Variants in COCH observed in about 807,000 individuals in gnomAD.
The protein encoded by COCH is coagulation factor C homolog, cochlin (Limulus polyphemus).
COCH carries 40 observed loss-of-function variants against 54.8 expected under a neutral mutation model. That is an observed-to-expected ratio of 0.73 (90% CI 0.57 to 0.95). COCH has a LOEUF of 0.95. Ranked by LOEUF, COCH falls within the 40% of genes least tolerant of loss-of-function variation. COCH has a pLI of 0.00. For synonymous variants in COCH, 256 were observed against 237.9 expected, an observed-to-expected ratio of 1.08 and a Z score of -0.70; for missense variants, 605 against 675.0, an observed-to-expected ratio of 0.90 and a Z score of 1.15.
chr14:30,882,120 G>GTTTTTTTTTTTTTTTTTTTTTTTTGT (rs1895620736), intron 8 of COCH, among the ~76,000 whole-genome samples: 1 of 67,894 alleles, frequency 1.5e-5, no homozygotes, highest in Non-Finnish European at 2.7e-5. Context: ...CTATAAAATG[G>GTTTTTTTTTTTTTTTTTTTTTTTTGT]TTTTTTTTTT....
chr14:30,884,816 A>C, intron 9 of COCH, 160 bp downstream of exon 9: 1 of 1,396,968 alleles, frequency 7.2e-7, no homozygotes, highest in Non-Finnish European at 9.6e-7. Flanking sequence ...TAAATTTTCA[A>C]TTTATAATGG....
chr14:30,891,287 A>G (rs755711726), downstream of COCH, among the ~76,000 whole-genome samples: 25 of 152,164 alleles, frequency 1.6e-4, no homozygotes, highest in Non-Finnish European at 3.2e-4. Flanking sequence ...CCCAAAAGAC[A>G]GAGGTGCTCT....
At chr14:30,881,349 C>G (rs187799502) in intron 8 of COCH, among the ~76,000 whole-genome samples, 21 of 152,250 alleles carry the variant, frequency 1.4e-4, no homozygotes, top group Admixed American at 5.9e-4. Flanking sequence ...CACTGGGTTC[C>G]CAAACTGTAA....
intron 9 of COCH, 179 bp downstream of exon 9, chr14:30,884,835 CAA>C: frequency 2.1e-6 from 3 of 1,431,844 alleles, no homozygotes; most frequent in Non-Finnish European, 2.8e-6. Flanking sequence ...GGAAGTATAC[CAA>C]AGTGTTGATA....
Position 30,885,106 on chromosome 14 carries a change from G to A in COCH, c.734-288G>A. On this transcript the variant is annotated intron_variant, in intron 9 of 11. Transcript: ENST00000396618. ...GCATGGAAGTGGGAATCAGTTTTGTGTTTCTAACTGGCGATTGATGTGGGG... is the reference window on the plus strand; with the variant it reads ...GCATGGAAGTGGGAATCAGTTTTGTATTTCTAACTGGCGATTGATGTGGGG... The A allele has an allele frequency of 1.9e-6, 3 of 1,558,270 alleles. No individual in the cohort carries two copies. In the Admixed American group the frequency reaches 5.7e-5, roughly 30 times the overall value.
intron 11 of COCH, among the ~76,000 whole-genome samples, chr14:30,886,627 T>C (rs1895800705): frequency 6.6e-6 from 1 of 152,206 alleles, no homozygotes; most frequent in Non-Finnish European, 1.5e-5. Context: ...TGCTTATACA[T>C]ATACAATTAA....
downstream of COCH, among the ~76,000 whole-genome samples, chr14:30,891,496 C>A (rs1439760819): frequency 6.6e-6 from 1 of 152,192 alleles, no homozygotes; most frequent in Non-Finnish European, 1.5e-5. Flanking sequence ...TTTTTCACTA[C>A]ATAAAAATTT....
rs1411658490 is a variant in COCH, at chr14:30,890,553, A to G, written c.*762A>G. 2 of 957,526 alleles carry G rather than the reference A, an allele frequency of 2.1e-6. No individual in the cohort carries two copies. Among genetic ancestry groups the G allele is most frequent in the South Asian group, 9.7e-5 (2 of 20,718 alleles). 59.3% of individuals were successfully genotyped at this position (957,526 alleles called of 1,614,324 possible). On this transcript the variant is annotated 3_prime_UTR_variant, in exon 12 of 12. Transcript: ENST00000396618. ...ACATTTAAAGACAAAGACATTTCAAATAACTGCAGAAAAAATATTGTAGTT... is the reference window on the plus strand; with the variant it reads ...ACATTTAAAGACAAAGACATTTCAAGTAACTGCAGAAAAAATATTGTAGTT...
At chr14:30,895,216 C>T, downstream of COCH, 1 of 600,058 alleles carries the variant, frequency 1.7e-6, no homozygotes, top group Non-Finnish European at 2.8e-6. Context: ...TTTCTTTGTC[C>T]CACAAAATAC....
In COCH at chr14:30,880,444, T is replaced by A; in HGVS notation, c.437-8T>A. On this transcript the variant is annotated splice_polypyrimidine_tract_variant and splice_region_variant and intron_variant, in intron 6 of 11. Transcript: ENST00000396618. ...TTTTGTTAATGCCAAGTGCATCTTT[T>A]ATTTCAGGTAAACGACTAAAGAAAA... The A allele has an allele frequency of 6.2e-7, 1 of 1,613,948 alleles. No individual in the cohort carries two copies. The highest frequency in any genetic ancestry group is 8.5e-7 in the Non-Finnish European group (1 of 1,179,882).
At chr14:30,893,843 C>T (rs1896057900), downstream of COCH, 1 of 152,520 alleles carries the variant, frequency 6.6e-6, no homozygotes. Context: ...AAGTATTGCA[C>T]TTTATTATTC....
At chr14:30,888,477 T>C (rs1895867320) in intron 11 of COCH, among the ~76,000 whole-genome samples, 1 of 151,956 alleles carries the variant, frequency 6.6e-6, no homozygotes, top group Non-Finnish European at 1.5e-5. Context: ...GATGGTACTC[T>C]ACACTAAGAA....
In COCH at chr14:30,886,074, T is replaced by C. The variant is rs767814589; in HGVS notation, c.1239T>C (p.Tyr413=). 6.2e-7 allele frequency: 1 copy of C among 1,614,262 alleles called. No homozygotes were observed. The highest frequency in any genetic ancestry group is 8.5e-7 in the Non-Finnish European group (1 of 1,180,046). The change falls in exon 11 of 12, where the codon TAT becomes TAC. Residue 413 remains tyrosine (Y), a synonymous_variant. Transcript: ENST00000396618. The part of the protein sequence containing the change: ...GAKIAAVQFT[Y]DQRTEFSFTD... The stretch of plus-strand genomic sequence containing the variant: ...AGATAGCTGCTGTACAGTTTACTTA[T>C]GATCAGCGCACGGAGTTCAGTTTCA...
Position 30,877,817 on chromosome 14 carries a change from C to T in COCH, c.239+89C>T, listed in dbSNP as rs1895423911. The T allele has an allele frequency of 5.7e-6, 9 of 1,591,340 alleles. No homozygotes were observed. The highest frequency in any genetic ancestry group is 2.2e-5 in the South Asian group (2 of 89,232). On this transcript the variant is annotated intron_variant, in intron 4 of 11. Transcript: ENST00000396618. This position sits in a 1 kb window ranked among gnomAD's most constrained non-coding sequence, Gnocchi z 8.6. Reference sequence around the variant, plus strand: ...CCCATCTGGATCCCTTTCCTCCCTGCATTCTTTCTTTTGTTGCCATTGTGG... The same window carrying T: ...CCCATCTGGATCCCTTTCCTCCCTGTATTCTTTCTTTTGTTGCCATTGTGG...
chr14:30,875,242 G>T (rs1487685863), intron 3 of COCH, 139 bp downstream of exon 3: 17 of 1,226,004 alleles, frequency 1.4e-5, no homozygotes, highest in Non-Finnish European at 1.7e-5. Flanking sequence ...CCGCCGCGTG[G>T]CGCGCCCGCG....
chr14:30,894,290 A>G (rs925530531), downstream of COCH: 6 of 152,418 alleles, frequency 3.9e-5, no homozygotes, highest in East Asian at 1.9e-4. Flanking sequence ...ACCAAGATAT[A>G]TATCTTAGGG....
chr14:30,875,636 TAG>T (rs28400024), intron 3 of COCH: 47,793 of 261,362 alleles, frequency 0.18, 5,628 homozygotes, highest in East Asian at 0.42. Context: ...CTCTACACGC[TAG>T]AGAGTTTAAA....
intron 4 of COCH, among the ~76,000 whole-genome samples, chr14:30,878,593 G>T (rs1895455692): frequency 1.3e-5 from 2 of 152,198 alleles, no homozygotes; most frequent in African/African-American, 2.4e-5. Context: ...GGAGGTGGAG[G>T]TTGCAGTGAG....
rs952114687 is a variant in COCH at position 30,877,377 on chromosome 14, G to T, written c.83-195G>T. ...ACATTAGAGTTTTATAGTGGCTGGG[G>T]ACTATATTAAATTGGAAAACAACCT... On this transcript the variant is annotated intron_variant, in intron 3 of 11. Transcript: ENST00000396618. This position sits in a 1 kb window ranked among gnomAD's most constrained non-coding sequence, Gnocchi z 8.6. The T allele has an allele frequency of 3.2e-6, 2 of 630,436 alleles. No homozygotes were observed. The highest frequency in any genetic ancestry group is 5.4e-6 in the Non-Finnish European group (2 of 369,294). The allele number at this position is 630,436 out of a possible 1,614,324, so 39.1% of individuals were successfully genotyped here.
Sources: allele counts gnomAD v4.1 joint callset (sites outside exome capture counted in the v4.1 genomes callset), GRCh38; gene constraint gnomAD v4.1.1; non-coding constraint Gnocchi (gnomAD v3.1); transcripts MANE v1.5; gene names NCBI Gene and HGNC (gene_info 2026-07-23, HGNC 2026-07-21).